The following PTPRJ variants were observed in gnomAD, a reference collection of about 807,000 sequenced individuals.
PTPRJ encodes the protein receptor-type tyrosine-protein phosphatase eta.
In PTPRJ, 129 loss-of-function variants were observed where a neutral mutation model predicts 141.3. The observed-to-expected ratio is 0.91, with a 90% confidence interval of 0.79 to 1.06. The LOEUF (loss-of-function observed/expected upper bound fraction) is 1.06, where lower values mean the gene tolerates loss of function less well. Among genes scored for constraint, PTPRJ ranks in the 50% least tolerant of loss-of-function variants. PTPRJ has a pLI of 0.00. For synonymous variants in PTPRJ, 610 were observed against 640.5 expected (o/e 0.95, Z 0.72); for missense variants, 1,601 against 1,679.7 (o/e 0.95, Z 0.82).
intron 1 of PTPRJ, among the ~76,000 whole-genome samples, chr11:48,040,816 G>T (rs1055652196): frequency 6.6e-5 from 10 of 151,966 alleles, no homozygotes; most frequent in African/African-American, 2.2e-4. Flanking sequence ...TGGCCAGGCC[G>T]GTCTCAAACT....
intron 1 of PTPRJ, among the ~76,000 whole-genome samples, chr11:48,096,204 G>T (rs1856000618): frequency 6.6e-6 from 1 of 152,208 alleles, no homozygotes; most frequent in Non-Finnish European, 1.5e-5. Context: ...GCTCTGCAGT[G>T]TGACCCACCG....
chr11:48,150,558 A>G (rs1281966074), intron 18 of PTPRJ, among the ~76,000 whole-genome samples: 1 of 152,240 alleles, frequency 6.6e-6, no homozygotes, highest in African/African-American at 2.4e-5. Flanking sequence ...AAAACTGTTA[A>G]CAGAAACTAG....
chr11:48,059,525 G>A (rs1854861403), intron 1 of PTPRJ, among the ~76,000 whole-genome samples: 2 of 152,178 alleles, frequency 1.3e-5, no homozygotes, highest in Admixed American at 6.5e-5. Context: ...GTTGACTGAT[G>A]CATCTTCAGC....
rs192826499 is a variant in PTPRJ, at chr11:48,135,606, C to T, written c.1616-433C>T. ...AAGCGACTCTTGTGCCCCAGCCTCCCGAGTAGCTGGGATTACAGGCGTGTA... is the reference window on the plus strand; with the variant it reads ...AAGCGACTCTTGTGCCCCAGCCTCCTGAGTAGCTGGGATTACAGGCGTGTA... On this transcript the variant is annotated intron_variant, in intron 8 of 24. Transcript: ENST00000418331. 3.3e-3 allele frequency among the ~76,000 whole-genome samples: 507 copies of T among 151,824 alleles called. 4 individuals are homozygous for T. The highest frequency in any genetic ancestry group is 0.012 in the African/African-American group (488 of 41,364).
rs1294513046 is a variant in PTPRJ, at chr11:48,112,882, G to A, written c.251G>A (p.Ser84Asn). Reference protein sequence around the residue: ...TGTPQVETNTSEDGESSGAND... With the variant: ...TGTPQVETNTNEDGESSGAND... The stretch of plus-strand genomic sequence containing the variant: ...ACACCTCAGGTGGAAACAAACACCA[G>A]TGAGGATGGTGAAAGCTCTGGAGCC... Residue 84 changes from serine to asparagine, a missense_variant, in exon 3 of 25, where the codon AGT becomes AAT. Physicochemically the swap from Ser to Asn is conservative, Grantham distance 46 (BLOSUM62 1). Transcript: ENST00000418331. The A allele has an allele frequency of 2.5e-6, 4 of 1,614,054 alleles. No individual in the cohort carries two copies. Among genetic ancestry groups the A allele is most frequent in the Non-Finnish European group, 2.5e-6 (3 of 1,180,026 alleles).
At chr11:48,088,497 G>C (rs1231467491) in intron 1 of PTPRJ, among the ~76,000 whole-genome samples, 1 of 152,176 alleles carries the variant, frequency 6.6e-6, no homozygotes, top group Non-Finnish European at 1.5e-5. Flanking sequence ...AGGAAGCGTG[G>C]TAACTTGGCA....
chr11:48,129,478 T>C (rs112646073), intron 7 of PTPRJ, among the ~76,000 whole-genome samples: 3 of 152,250 alleles, frequency 2.0e-5, no homozygotes, highest in South Asian at 2.1e-4. Context: ...ATTAACTTAA[T>C]TACCTCTTTG....
intron 14 of PTPRJ, among the ~76,000 whole-genome samples, chr11:48,145,461 G>C (rs910178875): frequency 1.1e-4 from 16 of 151,928 alleles, no homozygotes. Context: ...TTAAATAGTA[G>C]AATCAGAGGA....
intron 1 of PTPRJ, among the ~76,000 whole-genome samples, chr11:48,012,038 G>A (rs1828696634): frequency 1.3e-5 from 2 of 152,170 alleles, no homozygotes; most frequent in Non-Finnish European, 2.9e-5. Context: ...AAGTGACAGA[G>A]TACGGTGGTT....
intron 22 of PTPRJ, among the ~76,000 whole-genome samples, chr11:48,161,599 C>A (rs1857780452): frequency 6.7e-6 from 1 of 149,828 alleles, no homozygotes; most frequent in South Asian, 2.1e-4. Context: ...ATGCTTATTT[C>A]TTTTCTTTTC....
At chr11:48,078,780 C>T (rs1590474591) in intron 1 of PTPRJ, among the ~76,000 whole-genome samples, 1 of 144,874 alleles carries the variant, frequency 6.9e-6, no homozygotes, top group Admixed American at 7.1e-5. Context: ...ATTCAAATGT[C>T]AGTGTCTGTA....
At chr11:48,052,122 T>TG (rs1253032631) in intron 1 of PTPRJ, among the ~76,000 whole-genome samples, 1 of 152,196 alleles carries the variant, frequency 6.6e-6, no homozygotes, top group Non-Finnish European at 1.5e-5. Context: ...TGTCTAGAAT[T>TG]GCCTGTAGGT....
At chr11:48,148,674 A>C (rs980928415) in intron 15 of PTPRJ, among the ~76,000 whole-genome samples, 2 of 152,176 alleles carry the variant, frequency 1.3e-5, no homozygotes, top group Admixed American at 6.5e-5. Context: ...ACCTCAGGTG[A>C]TCCACCCGCC....
At chr11:48,031,971 A>G (rs1853996676) in intron 1 of PTPRJ, among the ~76,000 whole-genome samples, 2 of 152,300 alleles carry the variant, frequency 1.3e-5, no homozygotes, top group South Asian at 4.1e-4. Context: ...AGAGCTTAGC[A>G]TCATATGAAA....
intron 22 of PTPRJ, among the ~76,000 whole-genome samples, chr11:48,160,965 A>G (rs2134386391): frequency 6.6e-6 from 1 of 152,148 alleles, no homozygotes; most frequent in Non-Finnish European, 1.5e-5. Context: ...CAGGTTTGAG[A>G]CCAGCTTGGG....
chr11:48,078,917 G>T (rs867282361), intron 1 of PTPRJ, among the ~76,000 whole-genome samples: 1 of 148,592 alleles, frequency 6.7e-6, no homozygotes, highest in Non-Finnish European at 1.5e-5. Flanking sequence ...CATATGGCCT[G>T]CAAAGACTAA....
intron 1 of PTPRJ, among the ~76,000 whole-genome samples, chr11:47,981,605 C>A (rs2135453703): frequency 6.6e-6 from 1 of 152,372 alleles, no homozygotes; most frequent in Non-Finnish European, 1.5e-5. Context: ...AGGCAGCCGG[C>A]CCTCTTGGCG....
intron 21 of PTPRJ, among the ~76,000 whole-genome samples, chr11:48,159,052 G>C (rs1302915410): frequency 6.6e-6 from 1 of 151,728 alleles, no homozygotes; most frequent in African/African-American, 2.4e-5. Context: ...CAGCAGTAGA[G>C]CACACCTTAG....
At chr11:48,050,231 TTTTC>T (rs1209951310) in intron 1 of PTPRJ, among the ~76,000 whole-genome samples, 37 of 152,278 alleles carry the variant, frequency 2.4e-4, no homozygotes, top group Middle Eastern at 3.4e-3. Flanking sequence ...TCAAATGTGA[TTTTC>T]TTTCTTTATT....
Sources: allele counts gnomAD v4.1 joint callset (sites outside exome capture counted in the v4.1 genomes callset), GRCh38; gene constraint gnomAD v4.1.1; transcripts MANE v1.5; gene names NCBI Gene and HGNC (gene_info 2026-07-23, HGNC 2026-07-21).